The following ADAMTSL1 variants were observed in gnomAD, a reference collection of about 807,000 sequenced individuals.
ADAMTSL1 encodes ADAMTS like 1.
In ADAMTSL1, 126 loss-of-function variants were observed where a neutral mutation model predicts 201.8. The ratio of observed to expected loss-of-function variants is 0.62; its 90% CI spans 0.54 to 0.72. ADAMTSL1 has a LOEUF of 0.72. Among genes scored for constraint, ADAMTSL1 ranks in the 30% least tolerant of loss-of-function variants. The probability of loss-of-function intolerance (pLI) is 0.00; values close to 1 mark genes in which losing one functional copy is unlikely to be tolerated. For missense variants in ADAMTSL1, 2,679 were observed against 2,277.8 expected, an observed-to-expected ratio of 1.18 and a Z score of -3.59; for synonymous variants, 1,121 against 903.4, an observed-to-expected ratio of 1.24 and a Z score of -4.32.
rs1265370938 is a variant in ADAMTSL1, at chr9:18,089,452, C to A, written c.88-74410C>A. Among the ~76,000 whole-genome samples, 22 of 135,604 alleles carry A rather than the reference C, an allele frequency of 1.6e-4. 1 individual carries two copies. Among genetic ancestry groups the A allele is most frequent in the South Asian group, 7.4e-4 (3 of 4,070 alleles). The allele number at this position is 135,604 out of a possible 152,430, so 89.0% of individuals were successfully genotyped here. On this transcript the variant is annotated intron_variant, in intron 1 of 29. Coordinates refer to the ADAMTSL1 transcript ENST00000680146. ...GACACAGGGAGGGGAACATCACACA[C>A]TGGGGCCTGTCGGGGGGTGGGGAGC... is the stretch of plus-strand genomic sequence containing the variant.
chr9:18,603,341 ATATGCTATGCTATGC>A (rs5896789), intron 4 of ADAMTSL1, among the ~76,000 whole-genome samples: 12,387 of 118,490 alleles, frequency 0.1, 627 homozygotes, highest in Non-Finnish European at 0.13. Flanking sequence ...CTCCAAAGCT[ATATGCTATGCTATGC>A]TATGCTATGC....
chr9:18,305,137 GTGAGGGACTGTGCCA>G (rs1833861924), intron 2 of ADAMTSL1, among the ~76,000 whole-genome samples: 1 of 152,190 alleles, frequency 6.6e-6, no homozygotes, highest in Admixed American at 6.5e-5. Context: ...AAGGGAAGCC[GTGAGGGACTGTGCCA>G]TGAGCAACAC....
chr9:18,417,016 G>T (rs1025081095), intron 2 of ADAMTSL1, among the ~76,000 whole-genome samples: 5 of 151,376 alleles, frequency 3.3e-5, no homozygotes, highest in Non-Finnish European at 5.9e-5. Flanking sequence ...CTGTATTCTG[G>T]GCCATAAAAC....
At chr9:18,252,573 G>A (rs954391715) in intron 2 of ADAMTSL1, among the ~76,000 whole-genome samples, 1 of 152,044 alleles carries the variant, frequency 6.6e-6, no homozygotes, top group African/African-American at 2.4e-5. Flanking sequence ...TATTGTTTAA[G>A]AAATAATGAC....
At chr9:18,514,662 T>C (rs1818258434) in intron 2 of ADAMTSL1, among the ~76,000 whole-genome samples, 1 of 152,230 alleles carries the variant, frequency 6.6e-6, no homozygotes, top group Admixed American at 6.5e-5. Context: ...TATCCCTCAG[T>C]TTTACTCAAT....
chr9:18,242,275 A>C (rs1424128954), intron 2 of ADAMTSL1, among the ~76,000 whole-genome samples: 1 of 152,170 alleles, frequency 6.6e-6, no homozygotes, highest in Non-Finnish European at 1.5e-5. Flanking sequence ...TGATTGTCTC[A>C]CTTGATGCAG....
chr9:18,303,950 G>T (rs1833803519), intron 2 of ADAMTSL1, among the ~76,000 whole-genome samples: 2 of 151,994 alleles, frequency 1.3e-5, no homozygotes, highest in African/African-American at 4.8e-5. Flanking sequence ...TAGATCAGTA[G>T]GGAGGTGACA....
intron 1 of ADAMTSL1, among the ~76,000 whole-genome samples, chr9:17,945,573 C>A (rs1156442112): frequency 6.6e-6 from 1 of 151,996 alleles, no homozygotes; most frequent in African/African-American, 2.4e-5. Flanking sequence ...ACCCAAATGT[C>A]CAACAATGAT....
At chr9:17,931,854 A>G (rs2131320515) in intron 1 of ADAMTSL1, among the ~76,000 whole-genome samples, 1 of 152,246 alleles carries the variant, frequency 6.6e-6, no homozygotes, top group South Asian at 2.1e-4. Flanking sequence ...TCCCAAATCC[A>G]TGGATCTGTC....
At chr9:18,403,695 C>A (rs967050224) in intron 2 of ADAMTSL1, among the ~76,000 whole-genome samples, 3 of 152,138 alleles carry the variant, frequency 2.0e-5, no homozygotes, top group Non-Finnish European at 4.4e-5. Flanking sequence ...GTGATAGGTA[C>A]AATTTGTCTT....
chr9:18,884,053 A>G (rs1214234709), intron 23 of ADAMTSL1, among the ~76,000 whole-genome samples: 1 of 152,054 alleles, frequency 6.6e-6, no homozygotes, highest in Non-Finnish European at 1.5e-5. Context: ...AAGGGTTCCA[A>G]TTTTTTCACA....
intron 2 of ADAMTSL1, among the ~76,000 whole-genome samples, chr9:18,340,230 T>G (rs1270196791): frequency 6.6e-6 from 1 of 152,204 alleles, no homozygotes; most frequent in African/African-American, 2.4e-5. Flanking sequence ...TCACCCATTC[T>G]GGAATACAAG....
intron 4 of ADAMTSL1, among the ~76,000 whole-genome samples, chr9:18,576,026 T>C (rs1822702865): frequency 6.6e-6 from 1 of 152,180 alleles, no homozygotes; most frequent in African/African-American, 2.4e-5. Context: ...ATTTCATATA[T>C]AATAAATATG....
chr9:18,892,458 C>T lies in ADAMTSL1; in HGVS notation c.4713C>T (p.Thr1571=). Reference sequence around the variant, plus strand: ...GAGGTGTCCAGACCCGCAGGGTGACCTGTCAAAAGCTGAAAGCCTCTGGGA... The same window carrying T: ...GAGGTGTCCAGACCCGCAGGGTGACTTGTCAAAAGCTGAAAGCCTCTGGGA... ...CGGGVQTRRV[T]CQKLKASGIS... The change falls in exon 26 of 29, where the codon ACC becomes ACT. Residue 1571 remains threonine (T), a synonymous_variant. Coordinates refer to ENST00000380548, the MANE Select transcript of ADAMTSL1 (RefSeq NM_001040272.6). 6.2e-7 allele frequency: 1 copy of T among 1,613,358 alleles called. No homozygotes were observed. The highest frequency in any genetic ancestry group is 8.5e-7 in the Non-Finnish European group (1 of 1,179,730).
intron 2 of ADAMTSL1, among the ~76,000 whole-genome samples, chr9:18,273,717 T>C (rs550180288): frequency 6.6e-6 from 1 of 152,324 alleles, no homozygotes; most frequent in South Asian, 2.1e-4. Context: ...TTCATTTCAC[T>C]CACAATGCCA....
intron 3 of ADAMTSL1, among the ~76,000 whole-genome samples, chr9:18,550,117 G>C (rs1820711224): frequency 2.0e-5 from 3 of 151,980 alleles, no homozygotes; most frequent in Non-Finnish European, 1.5e-5. Context: ...GAGATGATTT[G>C]TATTTTCAAA....
rs76545912 is a variant in ADAMTSL1 at position 18,533,474 on chromosome 9, T to G, written c.237+182T>G. Among the ~76,000 whole-genome samples the G allele has an allele frequency of 6.2e-3, 939 of 152,312 alleles. 10 individuals carry two copies. Among genetic ancestry groups the G allele is most frequent in the East Asian group, 0.045 (231 of 5,186 alleles). ...TTTTAAGTTCCTCATTATAGACTTT[T>G]AATCATTTGAGCAGCTTGAAACTAA... On this transcript the variant is annotated intron_variant, in intron 3 of 28. Coordinates refer to ENST00000380548, the MANE Select transcript of ADAMTSL1 (RefSeq NM_001040272.6).
chr9:18,048,531 A>G (rs913696178), intron 1 of ADAMTSL1, among the ~76,000 whole-genome samples: 1 of 152,236 alleles, frequency 6.6e-6, no homozygotes, highest in African/African-American at 2.4e-5. Context: ...ATTGCATAAC[A>G]TGTAAATGTA....
At chr9:18,380,245 A>G (rs1274142667) in intron 2 of ADAMTSL1, among the ~76,000 whole-genome samples, 1 of 152,196 alleles carries the variant, frequency 6.6e-6, no homozygotes, top group Non-Finnish European at 1.5e-5. Context: ...TGGGGGAAGA[A>G]GGATTACAAA....
Sources: gnomAD v4.1 joint callset for allele counts (sites outside exome capture counted in the v4.1 genomes callset) on GRCh38, gnomAD v4.1.1 for gene constraint, MANE v1.5 for transcripts, NCBI Gene and HGNC (gene_info 2026-07-23, HGNC 2026-07-21) for gene names.